Variants in DOCK3 observed in about 807,000 individuals in gnomAD.
DOCK3 encodes dedicator of cytokinesis protein 3.
In DOCK3, 60 loss-of-function variants were observed where a neutral mutation model predicts 265.6. The ratio of observed to expected loss-of-function variants is 0.23; its 90% CI spans 0.18 to 0.28. The LOEUF (loss-of-function observed/expected upper bound fraction) is 0.28, where lower values mean the gene tolerates loss of function less well. Ranked by LOEUF, DOCK3 falls within the 10% of genes least tolerant of loss-of-function variation. The probability of loss-of-function intolerance (pLI) is 1.00; values close to 1 mark genes in which losing one functional copy is unlikely to be tolerated. For synonymous variants in DOCK3, 881 were observed against 938.0 expected (o/e 0.94, Z 1.11); for missense variants, 1,981 against 2,594.3 (o/e 0.76, Z 5.14).
chr3:51,332,291 G>A (rs2084573514), intron 33 of DOCK3, among the ~76,000 whole-genome samples: 1 of 152,198 alleles, frequency 6.6e-6, no homozygotes. Flanking sequence ...TTGTCCATTA[G>A]GAAAGACCTG....
chr3:50,675,719 A>G lies in DOCK3; in HGVS notation c.37+419A>G, dbSNP rs1402211477. On this transcript the variant is annotated intron_variant, in intron 1 of 52. Coordinates refer to ENST00000266037, the MANE Select transcript of DOCK3 (RefSeq NM_004947.5). This position sits in a 1 kb window ranked among gnomAD's most constrained non-coding sequence, Gnocchi z 6.1. Reference sequence around the variant, plus strand: ...GATGGCTGTTTATTTTTGATCTGGAACCTTACAAGAAAACGGATGAAAAAC... The same window carrying G: ...GATGGCTGTTTATTTTTGATCTGGAGCCTTACAAGAAAACGGATGAAAAAC... Among the ~76,000 whole-genome samples, 1 of 152,176 alleles carries G rather than the reference A, an allele frequency of 6.6e-6. No individual in the cohort carries two copies. The highest frequency in any genetic ancestry group is 6.5e-5 in the Admixed American group (1 of 15,278).
At chr3:50,734,835 C>T (rs980826722) in intron 1 of DOCK3, among the ~76,000 whole-genome samples, 1 of 152,162 alleles carries the variant, frequency 6.6e-6, no homozygotes, top group Non-Finnish European at 1.5e-5. Flanking sequence ...GATCTCCTGA[C>T]CTTGTGATCT....
Position 51,310,213 on chromosome 3 carries a change from A to G in DOCK3, c.2923-19A>G. On this transcript the variant is annotated intron_variant, in intron 27 of 52. Transcript: ENST00000266037. Reference sequence around the variant, plus strand: ...TATTGTGGTGGTGGTGTCTCACATCAGCTTTCCTCTGCTGTCAGGAATTTC... The same window carrying G: ...TATTGTGGTGGTGGTGTCTCACATCGGCTTTCCTCTGCTGTCAGGAATTTC... The G allele has an allele frequency of 1.3e-6, 2 of 1,577,310 alleles. No homozygotes were observed. The highest frequency in any genetic ancestry group is 2.3e-5 in the South Asian group (2 of 85,936).
intron 21 of DOCK3, among the ~76,000 whole-genome samples, chr3:51,238,920 A>G (rs1263042929): frequency 1.3e-5 from 2 of 152,206 alleles, no homozygotes; most frequent in East Asian, 1.9e-4. Context: ...CAATGAACCT[A>G]TGCAAGCATG....
rs114408210 is a variant in DOCK3, at chr3:51,128,412, A to G, written c.747-18137A>G. Among the ~76,000 whole-genome samples, 544 of 152,350 alleles carry G rather than the reference A, an allele frequency of 3.6e-3. 3 individuals are homozygous for G. Among genetic ancestry groups the G allele is most frequent in the Non-Finnish European group, 3.5e-3 (237 of 68,032 alleles). ...CTTCAAAAGACTGTTCCACTGTTCT[A>G]TTGATCCAGCTGCTTTAGGATGATG... On this transcript the variant is annotated intron_variant, in intron 9 of 52. Transcript: ENST00000266037.
chr3:50,869,319 A>T (rs1575405783), intron 3 of DOCK3, among the ~76,000 whole-genome samples: 1 of 89,538 alleles, frequency 1.1e-5, no homozygotes, highest in African/African-American at 4.3e-5. Context: ...TCTTTATTTC[A>T]ATTTTATTTA....
chr3:51,130,671 A>T (rs746251200), intron 9 of DOCK3, among the ~76,000 whole-genome samples: 2 of 152,138 alleles, frequency 1.3e-5, no homozygotes, highest in African/African-American at 4.8e-5. Flanking sequence ...AATCTCTGCA[A>T]TCCCTCCAAG....
At chr3:50,957,646 G>A (rs2076765511) in intron 5 of DOCK3, among the ~76,000 whole-genome samples, 1 of 152,180 alleles carries the variant, frequency 6.6e-6, no homozygotes, top group South Asian at 2.1e-4. Context: ...AGGCGAATAA[G>A]ATTTCTGTTT....
intron 46 of DOCK3, 37 bp from the exon 47 acceptor site, chr3:51,360,474 C>G (rs1287936226): frequency 1.3e-6 from 2 of 1,589,314 alleles, no homozygotes; most frequent in Non-Finnish European, 1.7e-6. Context: ...CTTATTTATT[C>G]TTTACTCTCT....
chr3:50,801,581 C>T (rs1427151719), intron 2 of DOCK3, among the ~76,000 whole-genome samples: 2 of 152,182 alleles, frequency 1.3e-5, no homozygotes, highest in Admixed American at 1.3e-4. Context: ...ATCTAACAAT[C>T]TTAAAGTTTT....
chr3:51,270,083 A>G (rs1349304340), intron 23 of DOCK3, among the ~76,000 whole-genome samples: 1 of 152,212 alleles, frequency 6.6e-6, no homozygotes, highest in Non-Finnish European at 1.5e-5. Context: ...ATGGTCTGCC[A>G]GAGCTTACAT....
chr3:50,819,337 C>A (rs2675830), intron 2 of DOCK3, among the ~76,000 whole-genome samples: 14,367 of 152,206 alleles, frequency 0.094, 839 homozygotes, highest in Non-Finnish European at 0.12. Flanking sequence ...GTTGGCTCTT[C>A]TGTAAGAACA....
chr3:51,334,563 C>G (rs1036507013), intron 35 of DOCK3, among the ~76,000 whole-genome samples: 2 of 152,208 alleles, frequency 1.3e-5, no homozygotes, highest in Non-Finnish European at 2.9e-5. Context: ...TTCTGTAGCA[C>G]AGCTATGCTT....
chr3:51,280,296 G>C, intron 27 of DOCK3, 92 bp downstream of exon 27: 10 of 1,154,924 alleles, frequency 8.7e-6, no homozygotes, highest in Non-Finnish European at 1.2e-5. Context: ...GAATGCAAGT[G>C]ACTAGCATTG....
chr3:51,294,990 A>G (rs1392265023), intron 27 of DOCK3, among the ~76,000 whole-genome samples: 3 of 152,230 alleles, frequency 2.0e-5, no homozygotes, highest in Non-Finnish European at 2.9e-5. Flanking sequence ...TTGACACATC[A>G]GATTGTGTTT....
chr3:51,016,980 G>GTTTT (rs80212564), intron 5 of DOCK3, among the ~76,000 whole-genome samples: 1 of 91,244 alleles, frequency 1.1e-5, no homozygotes, highest in South Asian at 3.3e-4. Flanking sequence ...ATAAATAAAT[G>GTTTT]GTAAAATTTA....
chr3:50,960,159 A>G (rs2076848705), intron 5 of DOCK3, among the ~76,000 whole-genome samples: 1 of 152,312 alleles, frequency 6.6e-6, no homozygotes, highest in Middle Eastern at 3.4e-3. Context: ...TGCAATGAAC[A>G]TTTGTGTACA....
At chr3:50,677,319 C>G (rs2034043386) in intron 1 of DOCK3, among the ~76,000 whole-genome samples, 1 of 152,140 alleles carries the variant, frequency 6.6e-6, no homozygotes, top group Admixed American at 6.5e-5. Context: ...GTTTAAAACT[C>G]AGGACACATT....
At position 51,361,242 on chromosome 3, in the gene DOCK3, C is replaced by G. The variant is rs1210590046; in HGVS notation, c.5006+610C>G. On this transcript the variant is annotated intron_variant, in intron 47 of 52. Coordinates refer to ENST00000266037, the MANE Select transcript of DOCK3 (RefSeq NM_004947.5). The surrounding 1 kb of genome is among the most constrained non-coding windows in gnomAD (Gnocchi z 4.2). ...AGGAGGAGACTAGTGAGAGGAGCCCCTCACTTAGGCTTGTTTTCCAGTGTG... is the reference window on the plus strand; with the variant it reads ...AGGAGGAGACTAGTGAGAGGAGCCCGTCACTTAGGCTTGTTTTCCAGTGTG... Among the ~76,000 whole-genome samples the G allele has an allele frequency of 2.6e-5, 4 of 152,222 alleles. No homozygotes were observed. The highest frequency in any genetic ancestry group is 9.6e-5 in the African/African-American group (4 of 41,462).
Sources: gnomAD v4.1 joint callset for allele counts (sites outside exome capture counted in the v4.1 genomes callset) on GRCh38, gnomAD v4.1.1 for gene constraint, Gnocchi (gnomAD v3.1) non-coding constraint, MANE v1.5 for transcripts, NCBI Gene and HGNC (gene_info 2026-07-23, HGNC 2026-07-21) for gene names.